The following PLPPR1 variants were observed in gnomAD, a reference collection of about 807,000 sequenced individuals.
PLPPR1 encodes the protein phospholipid phosphatase-related protein type 1.
PLPPR1 carries 10 observed loss-of-function variants against 33.1 expected under a neutral mutation model. The observed-to-expected ratio is 0.30, with a 90% CI of 0.19 to 0.51. The LOEUF is 0.51. Ranked by LOEUF, PLPPR1 falls within the 20% of genes least tolerant of loss-of-function variation. The pLI, the probability that PLPPR1 is intolerant of heterozygous loss-of-function variation, is 0.97. For missense variants in PLPPR1, 304 were observed against 408.1 expected (o/e 0.74, Z 2.20); for synonymous variants, 151 against 151.0 (o/e 1.00, Z 0.00).
rs180871637 is a variant in PLPPR1, at chr9:101,285,142, C to A, written c.253-962C>A. Among the ~76,000 whole-genome samples the A allele has an allele frequency of 5.3e-4, 81 of 152,228 alleles. No individual in the cohort carries two copies. In the South Asian group the frequency reaches 8.5e-3, roughly 16 times the overall value. On this transcript the variant is annotated intron_variant, in intron 3 of 7. Transcript: ENST00000374874. ...CTAACGCCCAGTATTTAATAGATAACGGTAATTAACCTTTTACTTTTCCTT... is the reference window on the plus strand; with the variant it reads ...CTAACGCCCAGTATTTAATAGATAAAGGTAATTAACCTTTTACTTTTCCTT...
rs894980138 is a variant in PLPPR1 at position 101,218,189 on chromosome 9, A to G, written c.63+32632A>G. On this transcript the variant is annotated intron_variant, in intron 2 of 7. Coordinates refer to ENST00000374874, the MANE Select transcript of PLPPR1 (RefSeq NM_207299.2). The stretch of plus-strand genomic sequence containing the variant: ...GATAGTATATCAAGAATATGCTATC[A>G]ATGTGGATCAAAAATGATCCACATT... 3.3e-5 allele frequency among the ~76,000 whole-genome samples: 5 copies of G among 152,338 alleles called. No individual in the cohort carries two copies. In the East Asian group the frequency reaches 9.6e-4, roughly 29 times the overall value.
At chr9:101,233,387 T>C (rs1369011045) in intron 2 of PLPPR1, among the ~76,000 whole-genome samples, 1 of 151,946 alleles carries the variant, frequency 6.6e-6, no homozygotes, top group Non-Finnish European at 1.5e-5. Flanking sequence ...AAAATGAAAG[T>C]GAGCTCATCA....
chr9:101,046,135 C>G (rs1339461387), intron 1 of PLPPR1, among the ~76,000 whole-genome samples: 1 of 152,200 alleles, frequency 6.6e-6, no homozygotes, highest in African/African-American at 2.4e-5. Flanking sequence ...TAAACACAAA[C>G]TTCACTTTAT....
intron 1 of PLPPR1, among the ~76,000 whole-genome samples, chr9:101,130,100 A>C (rs1372446803): frequency 6.6e-6 from 1 of 152,192 alleles, no homozygotes; most frequent in African/African-American, 2.4e-5. Context: ...ATGGTGATGG[A>C]TTCATGGGTA....
At chr9:101,057,486 A>G (rs1830291806) in intron 1 of PLPPR1, among the ~76,000 whole-genome samples, 1 of 152,178 alleles carries the variant, frequency 6.6e-6, no homozygotes, top group South Asian at 2.1e-4. Context: ...TAACTGTTAT[A>G]TATTAATGGG....
chr9:101,180,610 C>T (rs2118707828), intron 1 of PLPPR1, among the ~76,000 whole-genome samples: 1 of 151,806 alleles, frequency 6.6e-6, no homozygotes, highest in Middle Eastern at 3.4e-3. Flanking sequence ...TGATTTTCAA[C>T]AGAGGTGCCA....
intron 7 of PLPPR1, 51 bp from the exon 8 acceptor site, chr9:101,323,974 C>A (rs773608744): frequency 1.9e-6 from 3 of 1,542,488 alleles, no homozygotes; most frequent in Admixed American, 1.7e-5. Context: ...TGAGTGTGCA[C>A]GTGTCAGGCA....
chr9:101,275,443 A>G (rs1340600367), intron 3 of PLPPR1, among the ~76,000 whole-genome samples: 1 of 152,240 alleles, frequency 6.6e-6, no homozygotes, highest in East Asian at 1.9e-4. Flanking sequence ...CATGGGATAA[A>G]TCGCAAAAGG....
intron 2 of PLPPR1, among the ~76,000 whole-genome samples, chr9:101,202,538 AC>A (rs1416970748): frequency 6.6e-6 from 1 of 152,154 alleles, no homozygotes; most frequent in African/African-American, 2.4e-5. Flanking sequence ...CTTGTCTTAG[AC>A]TGGATTCCTC....
chr9:101,076,206 C>A (rs1028595825), intron 1 of PLPPR1, among the ~76,000 whole-genome samples: 1 of 152,050 alleles, frequency 6.6e-6, no homozygotes, highest in Non-Finnish European at 1.5e-5. Context: ...TTCTAACCAA[C>A]CTTCCAGGTC....
chr9:101,280,758 G>C (rs1280548411), intron 3 of PLPPR1, among the ~76,000 whole-genome samples: 1 of 152,046 alleles, frequency 6.6e-6, no homozygotes. Context: ...ACGGAGTATA[G>C]AAGGAACATA....
intron 1 of PLPPR1, among the ~76,000 whole-genome samples, chr9:101,051,260 ACTACTACTACTACTT>A (rs1385942265): frequency 1.3e-5 from 2 of 151,566 alleles, no homozygotes; most frequent in African/African-American, 2.4e-5. Context: ...TACTACTACT[ACTACTACTACTACTT>A]CTACTACTAC....
At chr9:101,067,805 G>A (rs1332652630) in intron 1 of PLPPR1, among the ~76,000 whole-genome samples, 1 of 152,042 alleles carries the variant, frequency 6.6e-6, no homozygotes, top group African/African-American at 2.4e-5. Context: ...TAAGAGAACA[G>A]GCTTTAAGAA....
intron 1 of PLPPR1, among the ~76,000 whole-genome samples, chr9:101,039,615 T>A (rs1830051551): frequency 6.6e-6 from 1 of 152,024 alleles, no homozygotes; most frequent in Non-Finnish European, 1.5e-5. Context: ...AGGAAAGAGG[T>A]TTAATGGAGA....
At chr9:101,038,629 T>G (rs1464136936) in intron 1 of PLPPR1, among the ~76,000 whole-genome samples, 8 of 152,164 alleles carry the variant, frequency 5.3e-5, no homozygotes, top group Non-Finnish European at 7.4e-5. Context: ...TCCAGCCTGT[T>G]AAACCAGTGC....
chr9:101,144,927 T>C (rs12344631), intron 1 of PLPPR1, among the ~76,000 whole-genome samples: 19,453 of 152,222 alleles, frequency 0.13, 1,541 homozygotes, highest in East Asian at 0.3. Flanking sequence ...TACTTTTTCA[T>C]CTGTTACCTC....
At chr9:101,311,064 C>A (rs894321246) in intron 5 of PLPPR1, among the ~76,000 whole-genome samples, 1 of 151,876 alleles carries the variant, frequency 6.6e-6, no homozygotes, top group African/African-American at 2.4e-5. Context: ...TATCTAGAAC[C>A]TAAACAATGT....
intron 1 of PLPPR1, among the ~76,000 whole-genome samples, chr9:101,071,286 A>G (rs1290332301): frequency 6.6e-6 from 1 of 152,172 alleles, no homozygotes; most frequent in Non-Finnish European, 1.5e-5. Context: ...AAGGATGGAA[A>G]GCCATCTGTA....
intron 1 of PLPPR1, among the ~76,000 whole-genome samples, chr9:101,167,788 A>G (rs116229068): frequency 0.018 from 2,790 of 152,256 alleles, 90 homozygotes; most frequent in African/African-American, 0.062. Context: ...TACAAAATCT[A>G]GATTGAAGCC....
Sources: gnomAD v4.1 joint callset for allele counts (sites outside exome capture counted in the v4.1 genomes callset) on GRCh38, gnomAD v4.1.1 for gene constraint, MANE v1.5 for transcripts, NCBI Gene and HGNC (gene_info 2026-07-23, HGNC 2026-07-21) for gene names.